The following NEDD9 variants were observed in gnomAD, a reference collection of about 807,000 sequenced individuals.
NEDD9 encodes neural precursor cell expressed, developmentally down-regulated 9, also known as enhancer of filamentation 1.
NEDD9 carries 26 observed loss-of-function variants against 76.6 expected under a neutral mutation model. The observed-to-expected ratio is 0.34, with a 90% CI of 0.25 to 0.47. NEDD9 has a LOEUF of 0.47. Among genes scored for constraint, NEDD9 ranks in the 20% least tolerant of loss-of-function variants. NEDD9 has a pLI of 1.00. For synonymous variants in NEDD9, 392 were observed against 414.2 expected (o/e 0.95, Z 0.65); for missense variants, 937 against 1,058.5 (o/e 0.89, Z 1.59).
intron 2 of NEDD9, among the ~76,000 whole-genome samples, chr6:11,210,632 T>C (rs1290971871): frequency 2.0e-5 from 3 of 151,692 alleles, no homozygotes; most frequent in East Asian, 1.9e-4. Context: ...CAGGAAGATG[T>C]TGACAGATGT....
chr6:11,242,720 C>G (rs1759732812), intron 3 of NEDD9, among the ~76,000 whole-genome samples: 1 of 151,962 alleles, frequency 6.6e-6, no homozygotes, highest in Admixed American at 6.6e-5. Flanking sequence ...CTTTCCCACC[C>G]TGCTCTCTGC....
At chr6:11,353,737 A>G (rs770586373) in intron 1 of NEDD9, among the ~76,000 whole-genome samples, 11 of 152,240 alleles carry the variant, frequency 7.2e-5, no homozygotes, top group Non-Finnish European at 7.3e-5. Flanking sequence ...AACGTGGAAA[A>G]CCTGGTGACT....
In NEDD9 at chr6:11,330,507, C is replaced by T. The variant is rs540420046; in HGVS notation, c.-153+3994G>A. Among the ~76,000 whole-genome samples, 29 of 152,282 alleles carry T rather than the reference C, an allele frequency of 1.9e-4. No homozygotes were observed. In the South Asian group the frequency reaches 3.9e-3, roughly 21 times the overall value. On this transcript the variant is annotated intron_variant, in intron 2 of 3. Coordinates refer to the NEDD9 transcript ENST00000397378. The stretch of plus-strand genomic sequence containing the variant: ...GGGGGAGGTGGAGACATAGGCTAGA[C>T]GTAGCAAAGGCAACCAGTGCTTTCT...
At position 11,213,698 on chromosome 6, in the gene NEDD9, A is replaced by G. The variant is rs778013564; in HGVS notation, c.42T>C (p.Asn14=). ...KNLMARALYD[N]VPECAEELAF... ...CCAGTTCCTCGGCACACTCTGGGAC[A>G]TTGTCATATAAGGCCCTTGCCATAA... is the stretch of plus-strand genomic sequence containing the variant. Residue 14 remains asparagine (N), a synonymous_variant, in exon 2 of 7, where the codon AAT becomes AAC. Coordinates refer to ENST00000379446, the MANE Select transcript of NEDD9 (RefSeq NM_006403.4). The surrounding 1 kb of genome is among the most constrained non-coding windows in gnomAD (Gnocchi z 5.4). The G allele has an allele frequency of 1.2e-6, 2 of 1,614,094 alleles. No homozygotes were observed. Among genetic ancestry groups the G allele is most frequent in the East Asian group, 2.2e-5 (1 of 44,866 alleles).
intron 2 of NEDD9, among the ~76,000 whole-genome samples, chr6:11,327,654 T>C (rs556890762): frequency 1.3e-5 from 2 of 152,244 alleles, no homozygotes; most frequent in African/African-American, 2.4e-5. Flanking sequence ...AGAAAGACGA[T>C]GGAAAGTGAA....
rs545837383 is a variant in NEDD9 at position 11,326,118 on chromosome 6, C to T, written c.-153+8383G>A. On this transcript the variant is annotated intron_variant, in intron 2 of 3. Coordinates refer to the NEDD9 transcript ENST00000397378. ...CCGAGATCTTACCACTGTACTCTAG[C>T]CTGGGCAACAGAGCAAAAACCTCAT... Among the ~76,000 whole-genome samples, 3 of 150,636 alleles carry T rather than the reference C, an allele frequency of 2.0e-5. No individual in the cohort carries two copies. In the South Asian group the frequency reaches 6.3e-4, roughly 32 times the overall value.
chr6:11,358,035 G>T (rs549207652), intron 1 of NEDD9, among the ~76,000 whole-genome samples: 172 of 152,170 alleles, frequency 1.1e-3, no homozygotes, highest in African/African-American at 3.9e-3. Context: ...GGATCACGAG[G>T]TCAGGAGATC....
intron 3 of NEDD9, among the ~76,000 whole-genome samples, chr6:11,246,521 C>T (rs1759815582): frequency 6.6e-6 from 1 of 152,084 alleles, no homozygotes; most frequent in Non-Finnish European, 1.5e-5. Context: ...GATCTCATGC[C>T]AGCATTTTTG....
chr6:11,225,992 T>C (rs1759298051), intron 1 of NEDD9, among the ~76,000 whole-genome samples: 2 of 152,156 alleles, frequency 1.3e-5, no homozygotes, highest in Admixed American at 6.5e-5. Flanking sequence ...CCGTTCTATC[T>C]TCCTCAAATT....
intron 1 of NEDD9, among the ~76,000 whole-genome samples, chr6:11,218,291 A>C (rs1233176124): frequency 6.6e-6 from 1 of 151,250 alleles, no homozygotes; most frequent in Admixed American, 6.6e-5. Flanking sequence ...CCTGCAACCC[A>C]TCTGGGGCCC....
chr6:11,294,895 G>C (rs1760855813), intron 3 of NEDD9, among the ~76,000 whole-genome samples: 1 of 152,194 alleles, frequency 6.6e-6, no homozygotes, highest in Non-Finnish European at 1.5e-5. Flanking sequence ...CTGGTGGGAG[G>C]TAATTGAATC....
At chr6:11,232,477 G>A (rs376158613) in intron 1 of NEDD9, 27 bp downstream of exon 1, 134 of 1,613,994 alleles carry the variant, frequency 8.3e-5, no homozygotes, top group Middle Eastern at 4.9e-4. Flanking sequence ...CAGCTTGCAA[G>A]GTAACCTGTA....
intron 3 of NEDD9, among the ~76,000 whole-genome samples, chr6:11,255,954 T>C (rs1378916827): frequency 6.6e-6 from 1 of 152,114 alleles, no homozygotes; most frequent in Non-Finnish European, 1.5e-5. Context: ...GTATCTCTCC[T>C]AATACTATTT....
chr6:11,286,926 T>C (rs771045350), intron 3 of NEDD9, among the ~76,000 whole-genome samples: 6 of 152,170 alleles, frequency 3.9e-5, no homozygotes, highest in Admixed American at 1.3e-4. Flanking sequence ...CCAGTGCATA[T>C]ATATATGTCA....
At chr6:11,223,904 G>A (rs1759225610) in intron 1 of NEDD9, among the ~76,000 whole-genome samples, 1 of 152,204 alleles carries the variant, frequency 6.6e-6, no homozygotes, top group South Asian at 2.1e-4. Context: ...GCTGCTGTAA[G>A]GGAGATGGGA....
At chr6:11,364,026 G>A (rs1307419896) in intron 1 of NEDD9, among the ~76,000 whole-genome samples, 1 of 152,164 alleles carries the variant, frequency 6.6e-6, no homozygotes, top group Non-Finnish European at 1.5e-5. Context: ...AACATGTGAG[G>A]GGTTCCTGCT....
At chr6:11,244,700 T>G (rs796610082) in intron 3 of NEDD9, among the ~76,000 whole-genome samples, 16 of 152,334 alleles carry the variant, frequency 1.1e-4, no homozygotes, top group African/African-American at 3.8e-4. Context: ...AGAGACAACT[T>G]CTCTGTCTTT....
At chr6:11,262,998 G>T (rs1198208221) in intron 3 of NEDD9, among the ~76,000 whole-genome samples, 1 of 152,162 alleles carries the variant, frequency 6.6e-6, no homozygotes, top group Non-Finnish European at 1.5e-5. Context: ...GGGGTAACCA[G>T]TGTTTTAACA....
In NEDD9 at chr6:11,190,604, A is replaced by C. The variant is rs759866648; in HGVS notation, c.1265T>G (p.Met422Arg). 7 of 1,614,156 alleles carry C rather than the reference A, an allele frequency of 4.3e-6. No individual in the cohort carries two copies. In the South Asian group the frequency reaches 7.7e-5, roughly 18 times the overall value. ...CAGTGCCATTAGGCTGGAGACACCC[A>C]TCTCAAGGGCCTGCTGGAGCCGCTG... Reference protein sequence around the residue: ...RLQRLQQALEMGVSSLMALVT... With the variant: ...RLQRLQQALERGVSSLMALVT... Residue 422 changes from methionine (M) to arginine (R), a missense_variant, in exon 5 of 7, where the codon ATG becomes AGG. By Grantham distance (91) the Met-to-Arg change is moderately conservative. Coordinates refer to ENST00000379446, the MANE Select transcript of NEDD9 (RefSeq NM_006403.4). This position sits in a 1 kb window ranked among gnomAD's most constrained non-coding sequence, Gnocchi z 5.8.
Sources: gnomAD v4.1 joint callset for allele counts (sites outside exome capture counted in the v4.1 genomes callset) on GRCh38, gnomAD v4.1.1 for gene constraint, Gnocchi (gnomAD v3.1) non-coding constraint, MANE v1.5 for transcripts, NCBI Gene and HGNC (gene_info 2026-07-23, HGNC 2026-07-21) for gene names.